Variants in CACNA1C observed in about 807,000 individuals in gnomAD.
CACNA1C encodes voltage-dependent L-type calcium channel subunit alpha-1C.
Under a neutral mutation model 229.0 loss-of-function variants are expected in CACNA1C, and 30 were observed. That is an observed-to-expected ratio of 0.13 (90% confidence interval 0.10 to 0.18). CACNA1C has a LOEUF of 0.18. CACNA1C is among the 10% of genes least tolerant of loss of function. CACNA1C has a pLI of 1.00. For missense variants in CACNA1C, 1,658 were observed against 2,845.0 expected, an observed-to-expected ratio of 0.58 and a Z score of 9.49; for synonymous variants, 1,114 against 1,132.5, an observed-to-expected ratio of 0.98 and a Z score of 0.33.
At chr12:2,658,676 G>T (rs1325300907) in intron 34 of CACNA1C, among the ~76,000 whole-genome samples, 1 of 151,888 alleles carries the variant, frequency 6.6e-6, no homozygotes, top group Non-Finnish European at 1.5e-5. Context: ...CCTGCAGGAG[G>T]TATTCCAGAA....
chr12:2,538,993 C>T (rs1013192621), intron 9 of CACNA1C, among the ~76,000 whole-genome samples: 6 of 152,190 alleles, frequency 3.9e-5, no homozygotes, highest in Non-Finnish European at 8.8e-5. Context: ...TGCATTTCAG[C>T]GACGTCGCCT....
chr12:2,466,017 C>T (rs2154566707), intron 5 of CACNA1C, among the ~76,000 whole-genome samples: 1 of 152,250 alleles, frequency 6.6e-6, no homozygotes, highest in South Asian at 2.1e-4. Context: ...GAAAACTCAC[C>T]TGAGTGCCAA....
chr12:2,473,040 G>A (rs1203477787), intron 5 of CACNA1C, among the ~76,000 whole-genome samples: 1 of 152,202 alleles, frequency 6.6e-6, no homozygotes, highest in Non-Finnish European at 1.5e-5. Flanking sequence ...AGGTGCCCTT[G>A]CAGTGTCAGA....
chr12:2,494,199 T>C (rs913548105), intron 7 of CACNA1C, among the ~76,000 whole-genome samples: 3 of 152,120 alleles, frequency 2.0e-5, no homozygotes, highest in African/African-American at 7.2e-5. Context: ...CAAATCTTCG[T>C]TTACCTTAAA....
chr12:2,499,312 CT>C (rs973448614), intron 7 of CACNA1C, among the ~76,000 whole-genome samples: 1 of 152,174 alleles, frequency 6.6e-6, no homozygotes, highest in African/African-American at 2.4e-5. Flanking sequence ...CACCTCCTGC[CT>C]TTCGATGGCA....
chr12:2,188,039 C>T (rs1005371078), intron 3 of CACNA1C, among the ~76,000 whole-genome samples: 1 of 152,158 alleles, frequency 6.6e-6, no homozygotes, highest in Non-Finnish European at 1.5e-5. Flanking sequence ...GCATAAGCAG[C>T]CTGCCTAGGA....
intron 34 of CACNA1C, 65 bp from the exon 35 acceptor site, chr12:2,664,760 T>G: frequency 7.3e-7 from 1 of 1,378,468 alleles, no homozygotes; most frequent in Non-Finnish European, 9.8e-7. Flanking sequence ...TGGGGAGGGA[T>G]GCAGAGGGCC....
chr12:2,004,962 C>T (rs1449491157), intron 1 of CACNA1C, among the ~76,000 whole-genome samples: 1 of 143,686 alleles, frequency 7.0e-6, no homozygotes, highest in Non-Finnish European at 1.5e-5. Context: ...TCTGCAAGGT[C>T]AAAAAAAAAA....
At chr12:2,124,108 TCGTGTGTGTG>T (rs1439808664) in intron 3 of CACNA1C, among the ~76,000 whole-genome samples, 86 of 84,338 alleles carry the variant, frequency 1.0e-3, no homozygotes, top group African/African-American at 3.9e-3. Context: ...CTGGTCTAGC[TCGTGTGTGTG>T]TGTGTGTGTG....
At chr12:2,237,481 A>C (rs1349499611) in intron 3 of CACNA1C, among the ~76,000 whole-genome samples, 1 of 152,262 alleles carries the variant, frequency 6.6e-6, no homozygotes, top group African/African-American at 2.4e-5. Context: ...ACAGAAAGGA[A>C]GTAATGAACT....
chr12:2,113,100 C>T (rs1016001922), intron 1 of CACNA1C, among the ~76,000 whole-genome samples: 3 of 152,158 alleles, frequency 2.0e-5, no homozygotes, highest in Non-Finnish European at 4.4e-5. Context: ...GCAGTACAGC[C>T]CTAATGGAGG....
At chr12:2,658,888 CATAAA>C (rs1311495675) in intron 34 of CACNA1C, among the ~76,000 whole-genome samples, 1 of 151,004 alleles carries the variant, frequency 6.6e-6, no homozygotes, top group Non-Finnish European at 1.5e-5. Context: ...ATTAAAAAAA[CATAAA>C]ATAAGGATAT....
At chr12:1,976,445 A>C (rs946291168) in intron 1 of CACNA1C, among the ~76,000 whole-genome samples, 1 of 152,142 alleles carries the variant, frequency 6.6e-6, no homozygotes, top group Non-Finnish European at 1.5e-5. Flanking sequence ...CACTCCTCTC[A>C]CATACAGTAA....
intron 3 of CACNA1C, among the ~76,000 whole-genome samples, chr12:2,158,866 C>T (rs545900710): frequency 6.6e-6 from 1 of 152,252 alleles, no homozygotes; most frequent in African/African-American, 2.4e-5. Flanking sequence ...GGGGCCAACA[C>T]AGAAGATGGA....
intron 4 of CACNA1C, among the ~76,000 whole-genome samples, chr12:2,452,098 T>C (rs1329609709): frequency 2.0e-5 from 3 of 152,182 alleles, no homozygotes; most frequent in Non-Finnish European, 1.5e-5. Context: ...TCTGTAGCTG[T>C]AGGGGAAGGT....
chr12:2,052,945 C>G, upstream of CACNA1C: 1 of 976,750 alleles, frequency 1.0e-6, no homozygotes, highest in Non-Finnish European at 1.2e-6. Flanking sequence ...CGCGGCGGGG[C>G]TGGGCCGGGG....
chr12:2,655,350 G>C (rs2095357691), intron 34 of CACNA1C, 112 bp downstream of exon 34: 1 of 651,578 alleles, frequency 1.5e-6, no homozygotes, highest in Non-Finnish European at 2.7e-6. Context: ...GGAAGGGAGA[G>C]GATGTGTTGC....
In CACNA1C at chr12:2,677,055, C is replaced by G. The variant is rs773188305; in HGVS notation, c.4829-39C>G. On this transcript the variant is annotated intron_variant, in intron 39 of 46. Coordinates refer to ENST00000399655, the MANE Select transcript of CACNA1C (RefSeq NM_000719.7). The surrounding 1 kb of genome is among the most constrained non-coding windows in gnomAD (Gnocchi z 7.4). Reference sequence around the variant, plus strand: ...AATGAAGTTCAACTGAATTCCCCTGCTCCCCTCTTACCCCCTCTCCCCTCT... The same window carrying G: ...AATGAAGTTCAACTGAATTCCCCTGGTCCCCTCTTACCCCCTCTCCCCTCT... 5.1e-6 allele frequency: 8 copies of G among 1,577,154 alleles called. No homozygotes were observed. The highest frequency in any genetic ancestry group is 1.3e-5 in the African/African-American group (1 of 74,164).
chr12:2,485,594 A>G (rs74053452), intron 5 of CACNA1C, among the ~76,000 whole-genome samples: 2,711 of 152,264 alleles, frequency 0.018, 69 homozygotes, highest in African/African-American at 0.061. Context: ...GATCATTTCA[A>G]TGATTTTCAA....
Sources: gnomAD v4.1 joint callset for allele counts (sites outside exome capture counted in the v4.1 genomes callset) on GRCh38, gnomAD v4.1.1 for gene constraint, Gnocchi (gnomAD v3.1) non-coding constraint, MANE v1.5 for transcripts, NCBI Gene and HGNC (gene_info 2026-07-23, HGNC 2026-07-21) for gene names.